ANGPTL8: variants seen among roughly 807,000 people sequenced by gnomAD.
The protein encoded by ANGPTL8 is angiopoietin like 8.
A neutral mutation model predicts 22.6 loss-of-function variants in ANGPTL8; 24 were observed. The observed-to-expected ratio is 1.06, with a 90% CI of 0.77 to 1.49. The LOEUF is 1.49. Among genes scored for constraint, ANGPTL8 ranks in the 40% most tolerant of loss-of-function variants. The pLI is 0.00. For synonymous variants in ANGPTL8, 88 were observed against 113.4 expected (o/e 0.78, Z 1.42); for missense variants, 230 against 259.6 (o/e 0.89, Z 0.78).
In ANGPTL8 at chr19:11,239,919, C is replaced by T. The variant is rs1439436787; in HGVS notation, c.282C>T (p.Ser94=). The T allele has an allele frequency of 8.2e-6, 13 of 1,585,800 alleles. No homozygotes were observed. Among genetic ancestry groups the T allele is most frequent in the African/African-American group, 1.3e-5 (1 of 74,408 alleles). Residue 94 remains serine, a synonymous_variant, in exon 1 of 4, where the codon AGC becomes AGT. Coordinates refer to ENST00000252453, the MANE Select transcript of ANGPTL8 (RefSeq NM_018687.7). ...GRDAAQELRA[S]LLETQMEEDI... is the part of the protein sequence containing the mutation. ...ATGCAGCCCAGGAACTTCGGGCAAG[C>T]CTGTTGGAGACTCAGGTGGGCACCG...
chr19:11,240,142 A>T lies in ANGPTL8; in HGVS notation c.305A>T (p.Glu102Val). 1 of 1,551,618 alleles carries T rather than the reference A, an allele frequency of 6.4e-7. No homozygotes were observed. Among genetic ancestry groups the T allele is most frequent in the Non-Finnish European group, 8.7e-7 (1 of 1,147,012 alleles). Residue 102 changes from glutamate (E) to valine (V), a missense_variant, in exon 2 of 4, where the codon GAG becomes GTG. Glu to Val is a moderately radical substitution (Grantham distance 121, BLOSUM62 -2). Coordinates refer to ENST00000252453, the MANE Select transcript of ANGPTL8 (RefSeq NM_018687.7). ...RASLLETQME[E>V]DILQLQAEAT... ...CCACTGTTTATTAAGCAGATGGAGG[A>T]GGATATTCTGCAGCTGCAGGCAGAG...
chr19:11,241,378 G>A (rs768143583), intron 2 of ANGPTL8, 67 bp from the exon 3 acceptor site: 77 of 1,001,552 alleles, frequency 7.7e-5, no homozygotes, highest in Non-Finnish European at 1.1e-4. Context: ...TGAGGGGCTG[G>A]GGCAGAGGGT....
In ANGPTL8 at chr19:11,241,911, C is replaced by T. The variant is rs1239828763; in HGVS notation, c.*224C>T. 8.4e-6 allele frequency: 11 copies of T among 1,305,634 alleles called. No individual in the cohort carries two copies. The highest frequency in any genetic ancestry group is 1.2e-5 in the Non-Finnish European group (11 of 948,458). 80.9% of individuals were successfully genotyped at this position (1,305,634 alleles called of 1,614,324 possible). ...GGACATGTACCCTTTCATGCCTACACACCCCTCATTAAAGCAGAGTCGTGG... is the reference window on the plus strand; with the variant it reads ...GGACATGTACCCTTTCATGCCTACATACCCCTCATTAAAGCAGAGTCGTGG... On this transcript the variant is annotated 3_prime_UTR_variant, in exon 4 of 4. Coordinates refer to ENST00000252453, the MANE Select transcript of ANGPTL8 (RefSeq NM_018687.7).
In ANGPTL8 at chr19:11,239,819, C is replaced by CA; in HGVS notation, c.185dup (p.Ala63GlyfsTer52). 1.2e-6 allele frequency: 2 copies of CA among 1,604,956 alleles called. No homozygotes were observed. Among genetic ancestry groups the CA allele is most frequent in the Non-Finnish European group, 1.7e-6 (2 of 1,176,062 alleles). On this transcript the variant is annotated frameshift_variant, in exon 1 of 4. Coordinates refer to ENST00000252453, the MANE Select transcript of ANGPTL8 (RefSeq NM_018687.7). LOFTEE classifies it high-confidence loss of function. ...TACAGGACCACGGAGGGACGGCTGACAAAGGCCAGGAACAGCCTGGGTCTC... is the reference window on the plus strand; with the variant it reads ...TACAGGACCACGGAGGGACGGCTGACAAAAGGCCAGGAACAGCCTGGGTCTC...
intron 2 of ANGPTL8, among the ~76,000 whole-genome samples, chr19:11,241,042 C>T (rs1243328205): frequency 1.3e-5 from 2 of 151,604 alleles, no homozygotes; most frequent in Non-Finnish European, 2.9e-5. Flanking sequence ...GTCAGGAGTT[C>T]GAGACCACCC....
At position 11,239,919 on chromosome 19, in the gene ANGPTL8, C is replaced by G. The variant is rs1439436787; in HGVS notation, c.282C>G (p.Ser94Arg). The G allele has an allele frequency of 6.3e-7, 1 of 1,585,918 alleles. No homozygotes were observed. Among genetic ancestry groups the G allele is most frequent in the Admixed American group, 1.8e-5 (1 of 55,110 alleles). The change falls in exon 1 of 4, where the codon AGC (serine) becomes AGG (arginine). Residue 94 changes from serine to arginine, a missense_variant. Ser to Arg is a moderately radical substitution (Grantham distance 110). Coordinates refer to ENST00000252453, the MANE Select transcript of ANGPTL8 (RefSeq NM_018687.7). ...ATGCAGCCCAGGAACTTCGGGCAAGCCTGTTGGAGACTCAGGTGGGCACCG... is the reference window on the plus strand; with the variant it reads ...ATGCAGCCCAGGAACTTCGGGCAAGGCTGTTGGAGACTCAGGTGGGCACCG... ...GRDAAQELRASLLETQMEEDI... is the reference protein window; with the variant it reads ...GRDAAQELRARLLETQMEEDI...
In ANGPTL8 at chr19:11,240,265, G is replaced by GC; in HGVS notation, c.431dup (p.Ala145CysfsTer6). 1 of 1,584,136 alleles carries GC rather than the reference G, an allele frequency of 6.3e-7. No homozygotes were observed. Among genetic ancestry groups the GC allele is most frequent in the Non-Finnish European group, 8.6e-7 (1 of 1,166,616 alleles). ...GTCCAGCTGAGGAGCGCCTGGCTGG[G>GC]CCCTGCCTACCGAGAATTTGAGGTC... On this transcript the variant is annotated frameshift_variant, in exon 2 of 4. Transcript: ENST00000252453. LOFTEE classifies it high-confidence loss of function.
chr19:11,240,429 C>T (rs746403884), intron 2 of ANGPTL8, 133 bp downstream of exon 2: 1 of 932,990 alleles, frequency 1.1e-6, no homozygotes, highest in Non-Finnish European at 1.5e-6. Context: ...TGTCCCCAGA[C>T]AAAACTCAAG....
Position 11,239,730 on chromosome 19 carries a change from G to T in ANGPTL8, c.93G>T (p.Gln31His). Residue 31 changes from glutamine (Q) to histidine (H), a missense_variant, in exon 1 of 4, where the codon CAG (glutamine) becomes CAT (histidine). By Grantham distance (24) the Gln-to-His change is conservative. Transcript: ENST00000252453. ...CCATGGGCGGCCCAGAACTGGCACA[G>T]CATGAGGAGCTGACCCTGCTCTTCC... ...AAPMGGPELA[Q>H]HEELTLLFHG... 1 of 1,613,314 alleles carries T rather than the reference G, an allele frequency of 6.2e-7. No homozygotes were observed. Among genetic ancestry groups the T allele is most frequent in the Non-Finnish European group, 8.5e-7 (1 of 1,179,708 alleles).
intron 2 of ANGPTL8, 119 bp from the exon 3 acceptor site, chr19:11,241,326 G>A: frequency 1.5e-6 from 1 of 653,768 alleles, no homozygotes. Flanking sequence ...GGGAAACTGA[G>A]GCCAAAGAGC....
At chr19:11,241,286 G>A (rs1300778784) in intron 2 of ANGPTL8, among the ~76,000 whole-genome samples, 159 bp from the exon 3 acceptor site, 1 of 151,904 alleles carries the variant, frequency 6.6e-6, no homozygotes, top group Non-Finnish European at 1.5e-5. Context: ...CCCATGAAGT[G>A]AGTCCTATTT....
In ANGPTL8 at chr19:11,239,839, G is replaced by C. The variant is rs1029130397; in HGVS notation, c.202G>C (p.Gly68Arg). Residue 68 changes from glycine to arginine, a missense_variant, in exon 1 of 4, where the codon GGT becomes CGT. Gly to Arg is a moderately radical substitution (Grantham distance 125). Coordinates refer to ENST00000252453, the MANE Select transcript of ANGPTL8 (RefSeq NM_018687.7). The part of the protein sequence containing the change: ...GRLTKARNSL[G>R]LYGRTIELLG... ...GCTGACAAAGGCCAGGAACAGCCTG[G>C]GTCTCTATGGCCGCACAATAGAACT... is the stretch of plus-strand genomic sequence containing the variant. 7 of 1,601,568 alleles carry C rather than the reference G, an allele frequency of 4.4e-6. No individual in the cohort carries two copies. Among genetic ancestry groups the C allele is most frequent in the Non-Finnish European group, 6.0e-6 (7 of 1,174,484 alleles).
Position 11,240,115 on chromosome 19 carries a change from A to AC in ANGPTL8, c.298-17dup. ...AGATGAGTTGGACATCCTACTAGTGACCCACTGTTTATTAAGCAGATGGAG... is the reference window on the plus strand; with the variant it reads ...AGATGAGTTGGACATCCTACTAGTGACCCCACTGTTTATTAAGCAGATGGAG... On this transcript the variant is annotated intron_variant, in intron 1 of 3. Transcript: ENST00000252453. 1 of 1,551,450 alleles carries AC rather than the reference A, an allele frequency of 6.4e-7. No homozygotes were observed. The highest frequency in any genetic ancestry group is 8.7e-7 in the Non-Finnish European group (1 of 1,146,914).
chr19:11,240,778 C>T (rs1281726346), intron 2 of ANGPTL8, among the ~76,000 whole-genome samples: 1 of 151,040 alleles, frequency 6.6e-6, no homozygotes, highest in Non-Finnish European at 1.5e-5. Flanking sequence ...CCATGTTGGC[C>T]AGGCTGGTCT....
Position 11,240,300 on chromosome 19 carries a change from A to T in ANGPTL8, c.459+4A>T, listed in dbSNP as rs768355718. ...CCGAGAATTTGAGGTCTTAAAGGTA[A>T]GGAGCTCCCCCAACCCTAGTGGGCT... is the stretch of plus-strand genomic sequence containing the variant. On this transcript the variant is annotated splice_donor_region_variant and intron_variant, in intron 2 of 3. Coordinates refer to ENST00000252453, the MANE Select transcript of ANGPTL8 (RefSeq NM_018687.7). 1 of 1,565,764 alleles carries T rather than the reference A, an allele frequency of 6.4e-7. No homozygotes were observed. Among genetic ancestry groups the T allele is most frequent in the South Asian group, 1.2e-5 (1 of 85,306 alleles).
Position 11,241,438 on chromosome 19 carries a change from C to T in ANGPTL8, c.460-7C>T, listed in dbSNP as rs753983886. 7.1e-6 allele frequency: 11 copies of T among 1,541,786 alleles called. No individual in the cohort carries two copies. Among genetic ancestry groups the T allele is most frequent in the South Asian group, 1.2e-5 (1 of 83,742 alleles). On this transcript the variant is annotated splice_region_variant and splice_polypyrimidine_tract_variant and intron_variant, in intron 2 of 3. Coordinates refer to ENST00000252453, the MANE Select transcript of ANGPTL8 (RefSeq NM_018687.7). ...GTCGGCTGAGGTTTCCATTCTGACCCCCACAGGCTCACGCTGACAAGCAGA... is the reference window on the plus strand; with the variant it reads ...GTCGGCTGAGGTTTCCATTCTGACCTCCACAGGCTCACGCTGACAAGCAGA...
Position 11,239,641 on chromosome 19 carries a change from CCAGTGCCTGCT to C in ANGPTL8, c.6_16del (p.Cys7GlyfsTer23). On this transcript the variant is annotated frameshift_variant, in exon 1 of 4. Coordinates refer to ENST00000252453, the MANE Select transcript of ANGPTL8 (RefSeq NM_018687.7). LOFTEE classifies it high-confidence loss of function. ...GCTATACCTTAGACCCTCAGTCATG[CCAGTGCCTGCT>C]CTGTGCCTGCTCTGGGCCCTGGCAA... is the stretch of plus-strand genomic sequence containing the variant. The C allele has an allele frequency of 1.9e-6, 3 of 1,613,740 alleles. No homozygotes were observed. The highest frequency in any genetic ancestry group is 2.5e-6 in the Non-Finnish European group (3 of 1,179,866).
chr19:11,240,017 T>C, intron 1 of ANGPTL8, 83 bp downstream of exon 1: 2 of 1,545,958 alleles, frequency 1.3e-6, no homozygotes, highest in Non-Finnish European at 1.7e-6. Context: ...CATCCTGGTT[T>C]GCCCAGGACT....
At chr19:11,239,971 G>T in intron 1 of ANGPTL8, 37 bp downstream of exon 1, 3 of 1,557,236 alleles carry the variant, frequency 1.9e-6, no homozygotes, top group Non-Finnish European at 2.6e-6. Flanking sequence ...GGGTGGCCAG[G>T]AGTCCAAAGA....
Sources: gnomAD v4.1 joint callset for allele counts (sites outside exome capture counted in the v4.1 genomes callset) on GRCh38, gnomAD v4.1.1 for gene constraint, MANE v1.5 for transcripts, NCBI Gene and HGNC (gene_info 2026-07-23, HGNC 2026-07-21) for gene names.